Variants in HPSE2 observed in about 807,000 individuals in gnomAD.
The protein encoded by HPSE2 is heparanase 2 (inactive).
In HPSE2, 38 loss-of-function variants were observed where a neutral mutation model predicts 60.5. That is an observed-to-expected ratio of 0.63 (90% CI 0.48 to 0.82). The LOEUF is 0.82. Ranked by LOEUF, HPSE2 falls within the 40% of genes least tolerant of loss-of-function variation. The pLI, the probability that HPSE2 is intolerant of heterozygous loss-of-function variation, is 0.00. For synonymous variants in HPSE2, 295 were observed against 293.2 expected, an observed-to-expected ratio of 1.01 and a Z score of -0.06; for missense variants, 713 against 740.4, an observed-to-expected ratio of 0.96 and a Z score of 0.43.
At chr10:98,733,996 G>A (rs1428323666) in intron 4 of HPSE2, among the ~76,000 whole-genome samples, 1 of 152,070 alleles carries the variant, frequency 6.6e-6, no homozygotes, top group African/African-American at 2.4e-5. Flanking sequence ...GTGCCTTTTA[G>A]CAGTCACCCC....
At chr10:99,180,375 T>A (rs2805368) in intron 2 of HPSE2, among the ~76,000 whole-genome samples, 130,893 of 152,118 alleles carry the variant, frequency 0.86, 57,480 homozygotes, top group South Asian at 0.97. Context: ...AAGGGCTAAT[T>A]TCCAGAATCT....
At chr10:99,065,984 C>CATAAGTACAAGGCAGAAAGTGA (rs6144048) in intron 3 of HPSE2, among the ~76,000 whole-genome samples, 73,228 of 151,120 alleles carry the variant, frequency 0.48, 20,107 homozygotes, top group East Asian at 0.65. Flanking sequence ...CACAGAAATC[C>CATAAGTACAAGGCAGAAAGTGA]ATAAGTACAA....
At chr10:98,983,722 T>C (rs1956264456) in intron 3 of HPSE2, among the ~76,000 whole-genome samples, 1 of 151,872 alleles carries the variant, frequency 6.6e-6, no homozygotes, top group African/African-American at 2.4e-5. Context: ...GTGCAAGGGG[T>C]CAGGGAATTC....
chr10:98,804,395 A>C (rs1163943986), intron 3 of HPSE2, among the ~76,000 whole-genome samples: 1 of 152,108 alleles, frequency 6.6e-6, no homozygotes, highest in Non-Finnish European at 1.5e-5. Context: ...ACAAGGAATT[A>C]ATAACCAAAC....
chr10:98,584,282 C>A (rs1232393096), intron 9 of HPSE2, among the ~76,000 whole-genome samples: 6 of 152,036 alleles, frequency 3.9e-5, no homozygotes, highest in Admixed American at 1.3e-4. Flanking sequence ...TGCTGAGGAC[C>A]AAAAAGCCTT....
rs548575975 is a variant in HPSE2, at chr10:98,724,270, C to T, written c.785-2442G>A. ...GTTGTTCAGTTTCCATGTAGTTGAG[C>T]GGTTTTGAGTGAGTTTCTTAATCCT... On this transcript the variant is annotated intron_variant, in intron 4 of 11. Transcript: ENST00000370552. Among the ~76,000 whole-genome samples, 90 of 151,934 alleles carry T rather than the reference C, an allele frequency of 5.9e-4. 1 individual carries two copies. Among genetic ancestry groups the T allele is most frequent in the African/African-American group, 1.9e-3 (77 of 41,456 alleles).
At chr10:99,015,618 T>C (rs1042913207) in intron 3 of HPSE2, among the ~76,000 whole-genome samples, 1 of 146,662 alleles carries the variant, frequency 6.8e-6, no homozygotes, top group African/African-American at 2.6e-5. Context: ...AATTGAACAA[T>C]GAGAACACAT....
intron 9 of HPSE2, among the ~76,000 whole-genome samples, chr10:98,564,279 T>C (rs749955555): frequency 4.4e-4 from 67 of 152,350 alleles, no homozygotes; most frequent in Non-Finnish European, 6.0e-4. Context: ...AATTCTGTCT[T>C]TGCCATTAAC....
At chr10:99,009,479 CT>C (rs1157088197) in intron 3 of HPSE2, among the ~76,000 whole-genome samples, 4 of 152,084 alleles carry the variant, frequency 2.6e-5, no homozygotes, top group Admixed American at 6.6e-5. Context: ...TTCAGTCTCC[CT>C]CCAGAGCCGG....
intron 6 of HPSE2, among the ~76,000 whole-genome samples, chr10:98,685,549 G>C (rs1214531533): frequency 3.9e-5 from 6 of 152,102 alleles, no homozygotes; most frequent in Admixed American, 3.9e-4. Context: ...AGCATATTGA[G>C]ATTCATCCAT....
intron 2 of HPSE2, among the ~76,000 whole-genome samples, chr10:99,177,962 GA>G (rs1214007454): frequency 6.6e-6 from 1 of 151,920 alleles, no homozygotes; most frequent in Non-Finnish European, 1.5e-5. Context: ...TCAGGATTAA[GA>G]ACTCACTGAA....
intron 2 of HPSE2, among the ~76,000 whole-genome samples, chr10:99,188,204 C>A (rs997884086): frequency 6.6e-6 from 1 of 152,080 alleles, no homozygotes; most frequent in South Asian, 2.1e-4. Context: ...ATTGATGAAT[C>A]CCCAAAACAT....
At chr10:98,674,086 G>A (rs947003961) in intron 6 of HPSE2, among the ~76,000 whole-genome samples, 31 of 152,268 alleles carry the variant, frequency 2.0e-4, no homozygotes, top group African/African-American at 7.2e-4. Flanking sequence ...TAATACCAAG[G>A]TAGGAAGTTC....
chr10:99,260,824 T>C, the HPSE2 span, among the ~76,000 whole-genome samples: 2 of 152,100 alleles, frequency 1.3e-5, no homozygotes, highest in African/African-American at 2.4e-5. Flanking sequence ...TAAACTTACC[T>C]CCTTCACTAT....
intron 3 of HPSE2, among the ~76,000 whole-genome samples, chr10:99,063,336 A>G (rs936044218): frequency 6.6e-6 from 1 of 151,668 alleles, no homozygotes; most frequent in Non-Finnish European, 1.5e-5. Context: ...CACACACAGA[A>G]AAAAAAAACA....
intron 3 of HPSE2, among the ~76,000 whole-genome samples, chr10:99,103,152 G>A (rs1332652878): frequency 1.3e-5 from 2 of 152,164 alleles, no homozygotes; most frequent in Non-Finnish European, 2.9e-5. Flanking sequence ...GCAGGAGAAG[G>A]AAATAAAGGG....
chr10:99,235,726 G>C lies in HPSE2; in HGVS notation c.77C>G (p.Ala26Gly), dbSNP rs1279169731. The change falls in exon 1 of 12, where the codon GCT becomes GGT. Residue 26 changes from alanine to glycine, a missense_variant. Ala to Gly is a moderately conservative substitution (Grantham distance 60, BLOSUM62 0). Transcript: ENST00000370552. Reference protein sequence around the residue: ...SRPPACLAPGALYLALLLHLS... With the variant: ...SRPPACLAPGGLYLALLLHLS... ...ATGGAGCAACAGAGCCAAGTAGAGA[G>C]CCCCCGGGGCTAGGCACGCGGGGGG... The C allele has an allele frequency of 3.7e-6, 6 of 1,613,888 alleles. No homozygotes were observed. The highest frequency in any genetic ancestry group is 4.2e-6 in the Non-Finnish European group (5 of 1,179,996).
At chr10:98,871,230 C>T (rs984370182) in intron 3 of HPSE2, among the ~76,000 whole-genome samples, 3 of 151,960 alleles carry the variant, frequency 2.0e-5, no homozygotes, top group Non-Finnish European at 4.4e-5. Flanking sequence ...ATTATATGCC[C>T]AGTTTATATT....
At chr10:99,034,623 GTA>G (rs201307866) in intron 3 of HPSE2, among the ~76,000 whole-genome samples, 2 of 151,764 alleles carry the variant, frequency 1.3e-5, no homozygotes. Flanking sequence ...ACACATGTGT[GTA>G]TATATATATA....
Sources: allele counts gnomAD v4.1 joint callset (sites outside exome capture counted in the v4.1 genomes callset), GRCh38; gene constraint gnomAD v4.1.1; transcripts MANE v1.5; gene names NCBI Gene and HGNC (gene_info 2026-07-23, HGNC 2026-07-21).